SGCD: variants seen among roughly 807,000 people sequenced by gnomAD.
SGCD encodes delta-sarcoglycan.
SGCD carries 18 observed loss-of-function variants against 36.6 expected under a neutral mutation model. The observed-to-expected ratio is 0.49, with a 90% CI of 0.34 to 0.73. The LOEUF is 0.73. SGCD is among the 30% of genes least tolerant of loss of function. The pLI is 0.01. For synonymous variants in SGCD, 133 were observed against 130.6 expected (o/e 1.02, Z -0.12); for missense variants, 387 against 346.7 (o/e 1.12, Z -0.92).
chr5:156,680,348 A>G (rs1406532315), intron 7 of SGCD, among the ~76,000 whole-genome samples: 1 of 152,196 alleles, frequency 6.6e-6, no homozygotes, highest in African/African-American at 2.4e-5. Flanking sequence ...TGTTCTGATC[A>G]CATGCCAGCC....
chr5:156,177,695 C>G (rs1763506570), intron 3 of SGCD, among the ~76,000 whole-genome samples: 1 of 152,124 alleles, frequency 6.6e-6, no homozygotes, highest in Admixed American at 6.5e-5. Flanking sequence ...TCATCACCCC[C>G]CAAAAGAGTC....
chr5:156,500,322 G>A (rs1175200727), intron 3 of SGCD, among the ~76,000 whole-genome samples: 1 of 152,182 alleles, frequency 6.6e-6, no homozygotes, highest in Non-Finnish European at 1.5e-5. Flanking sequence ...TTTAGGAACT[G>A]AGACTACAGC....
chr5:156,008,573 G>T (rs1758797795), intron 1 of SGCD, among the ~76,000 whole-genome samples: 1 of 152,046 alleles, frequency 6.6e-6, no homozygotes, highest in Non-Finnish European at 1.5e-5. Flanking sequence ...ATTAGGTCTT[G>T]CTGCGTTGCC....
intron 3 of SGCD, among the ~76,000 whole-genome samples, chr5:156,364,021 C>G (rs936215717): frequency 6.6e-6 from 1 of 152,134 alleles, no homozygotes; most frequent in Non-Finnish European, 1.5e-5. Flanking sequence ...TCACAAGTCC[C>G]ACACCTAATA....
At chr5:156,591,372 G>C (rs186230558) in intron 5 of SGCD, among the ~76,000 whole-genome samples, 244 of 152,324 alleles carry the variant, frequency 1.6e-3, no homozygotes, top group Non-Finnish European at 3.0e-3. Flanking sequence ...TGATAGTTAA[G>C]TTCTCAAATT....
chr5:155,770,660 C>T, the SGCD span, among the ~76,000 whole-genome samples: 1 of 152,100 alleles, frequency 6.6e-6, no homozygotes, highest in Non-Finnish European at 1.5e-5. Context: ...TTATCCCTTT[C>T]TGCTTTCCCC....
At chr5:155,961,965 CTAAT>C (rs919969664) in intron 1 of SGCD, among the ~76,000 whole-genome samples, 4 of 152,044 alleles carry the variant, frequency 2.6e-5, no homozygotes, top group Non-Finnish European at 5.9e-5. Context: ...TGAAGACTTT[CTAAT>C]TAATTATACT....
At chr5:156,686,393 G>A (rs970556423) in intron 7 of SGCD, among the ~76,000 whole-genome samples, 1 of 152,188 alleles carries the variant, frequency 6.6e-6, no homozygotes, top group African/African-American at 2.4e-5. Flanking sequence ...AATCTGCAAA[G>A]CCACTGTTCT....
intron 3 of SGCD, among the ~76,000 whole-genome samples, chr5:156,443,421 A>G (rs951845789): frequency 6.6e-6 from 1 of 152,196 alleles, no homozygotes; most frequent in African/African-American, 2.4e-5. Context: ...CAACAGCATC[A>G]TGTGATTCTG....
rs192116055 is a variant in SGCD, at chr5:156,298,631, G to A, written c.-43-30903G>A. Among the ~76,000 whole-genome samples, 3 of 142,380 alleles carry A rather than the reference G, an allele frequency of 2.1e-5. No individual in the cohort carries two copies. In the Admixed American group the frequency reaches 2.2e-4, roughly 10 times the overall value. The allele number at this position is 142,380 out of a possible 152,430, so 93.4% of individuals were successfully genotyped here. A position where few individuals can be genotyped will look rare whatever the true frequency, so the allele number is the denominator to read the frequency against. On this transcript the variant is annotated intron_variant, in intron 3 of 9. Coordinates refer to the SGCD transcript ENST00000517913. ...GTTTGCTCTTGTTGCCCAGGCTGGAGTGTTGGCCAGGCTGGTCTCGAACTC... is the reference window on the plus strand; with the variant it reads ...GTTTGCTCTTGTTGCCCAGGCTGGAATGTTGGCCAGGCTGGTCTCGAACTC...
chr5:156,703,382 CT>C (rs533137929), intron 7 of SGCD, among the ~76,000 whole-genome samples: 1,940 of 137,232 alleles, frequency 0.014, 25 homozygotes, highest in East Asian at 0.07. Flanking sequence ...TTATTTATTT[CT>C]TTTTTTTTTT....
At chr5:156,684,568 A>G (rs565561432) in intron 7 of SGCD, among the ~76,000 whole-genome samples, 7 of 152,134 alleles carry the variant, frequency 4.6e-5, no homozygotes, top group Non-Finnish European at 1.0e-4. Context: ...TTTAGATATC[A>G]TCTCCTTTTG....
At chr5:156,089,761 A>G (rs1581092621) in intron 1 of SGCD, among the ~76,000 whole-genome samples, 3 of 152,114 alleles carry the variant, frequency 2.0e-5, no homozygotes, top group African/African-American at 7.2e-5. Flanking sequence ...TCCTTGCATT[A>G]TTTTCTGAAT....
At chr5:156,298,581 T>TC (rs1766965041) in intron 3 of SGCD, among the ~76,000 whole-genome samples, 1 of 144,736 alleles carries the variant, frequency 6.9e-6, no homozygotes, top group Admixed American at 6.8e-5. Flanking sequence ...CTTTTCTTTT[T>TC]TTTTTTTTTT....
At chr5:155,812,257 G>A in the SGCD span, among the ~76,000 whole-genome samples, 437 of 152,284 alleles carry the variant, frequency 2.9e-3, 2 homozygotes, top group African/African-American at 9.3e-3. Context: ...CTCTCCACAA[G>A]GGTTGCATTC....
At chr5:156,503,349 G>A (rs1273188397) in intron 3 of SGCD, among the ~76,000 whole-genome samples, 1 of 152,108 alleles carries the variant, frequency 6.6e-6, no homozygotes, top group African/African-American at 2.4e-5. Flanking sequence ...GTCTGGGGGT[G>A]GGTGAATGTT....
intron 3 of SGCD, among the ~76,000 whole-genome samples, chr5:156,220,754 T>G (rs529801368): frequency 6.3e-4 from 96 of 152,258 alleles, no homozygotes; most frequent in African/African-American, 2.3e-3. Context: ...CTCTCCCACC[T>G]TTTCCTGCAA....
At chr5:155,753,273 G>T in the SGCD span, among the ~76,000 whole-genome samples, 1 of 151,162 alleles carries the variant, frequency 6.6e-6, no homozygotes. Context: ...GGAGATGGAG[G>T]TTGCAGTGAG....
chr5:156,346,666 G>A (rs573622647), intron 3 of SGCD, among the ~76,000 whole-genome samples: 15 of 152,042 alleles, frequency 9.9e-5, no homozygotes, highest in African/African-American at 3.6e-4. Flanking sequence ...AAGATTATAT[G>A]GTCAGTTTCC....
Sources: gnomAD v4.1 joint callset for allele counts (sites outside exome capture counted in the v4.1 genomes callset) on GRCh38, gnomAD v4.1.1 for gene constraint, MANE v1.5 for transcripts, NCBI Gene and HGNC (gene_info 2026-07-23, HGNC 2026-07-21) for gene names.